Variants in HERC2 observed in about 807,000 individuals in gnomAD.
The protein encoded by HERC2 is HECT and RLD domain containing E3 ubiquitin protein ligase 2, also known as E3 ubiquitin-protein ligase HERC2.
Under a neutral mutation model 537.7 loss-of-function variants are expected in HERC2, and 102 were observed. The observed-to-expected ratio is 0.19, with a 90% CI of 0.16 to 0.22. The LOEUF is 0.22. Among genes scored for constraint, HERC2 ranks in the 10% least tolerant of loss-of-function variants. HERC2 has a pLI of 1.00. For synonymous variants in HERC2, 2,224 were observed against 2,466.2 expected, an observed-to-expected ratio of 0.90 and a Z score of 2.91; for missense variants, 4,236 against 6,198.2, an observed-to-expected ratio of 0.68 and a Z score of 10.63.
At chr15:28,296,071 T>C (rs1441362191) in intron 3 of HERC2, among the ~76,000 whole-genome samples, 1 of 88,584 alleles carries the variant, frequency 1.1e-5, no homozygotes, top group African/African-American at 2.5e-5. Context: ...AAAACATTTA[T>C]TGAATGTCAA....
intron 2 of HERC2, among the ~76,000 whole-genome samples, chr15:28,308,881 C>T (rs1443005048): frequency 6.6e-6 from 1 of 152,200 alleles, no homozygotes; most frequent in Non-Finnish European, 1.5e-5. Flanking sequence ...TCCTTGTACC[C>T]CAGGGATAAA....
In HERC2 at chr15:28,169,513, A is replaced by G. The variant is rs768777344; in HGVS notation, c.10200T>C (p.Ile3400=). The part of the protein sequence containing the change: ...NLAKQQALSH[I]LTALQIMYAR... ...CATACATGATTTGCAATGCTGTAAG[A>G]ATATGTGATAAGGCCTGCTGTTTGG... is the stretch of plus-strand genomic sequence containing the variant. The change falls in exon 66 of 93, where the codon ATT becomes ATC. Residue 3400 remains isoleucine, a synonymous_variant. Transcript: ENST00000261609. 1 of 1,609,998 alleles carries G rather than the reference A, an allele frequency of 6.2e-7. No homozygotes were observed. The highest frequency in any genetic ancestry group is 1.1e-5 in the South Asian group (1 of 90,470).
Position 28,174,313 on chromosome 15 carries a change from T to C in HERC2, c.10057+82A>G, listed in dbSNP as rs139023234. The stretch of plus-strand genomic sequence containing the variant: ...GTTAACATGGCACTACAACCTCTAA[T>C]TGTGTTGGCACAATTAAATAAATCT... On this transcript the variant is annotated intron_variant, in intron 65 of 92. Transcript: ENST00000261609. The C allele has an allele frequency of 2.6e-5, 26 of 1,013,836 alleles. 1 individual carries two copies. The highest frequency in any genetic ancestry group is 2.2e-4 in the African/African-American group (13 of 58,362). The allele number at this position is 1,013,836 out of a possible 1,614,324, so 62.8% of individuals were successfully genotyped here.
chr15:28,182,015 C>A lies in HERC2; in HGVS notation c.8937+386G>T, dbSNP rs954500819. Among the ~76,000 whole-genome samples the A allele has an allele frequency of 3.0e-4, 46 of 152,158 alleles. 1 individual carries two copies. The highest frequency in any genetic ancestry group is 9.2e-4 in the African/African-American group (38 of 41,450). On this transcript the variant is annotated intron_variant, in intron 57 of 92. Coordinates refer to ENST00000261609, the MANE Select transcript of HERC2 (RefSeq NM_004667.6). ...CTACTTCACCCTGAAGAATCTCAGG[C>A]GCGAAGCACCTGGAGGACAGAGACA...
rs150930758 is a variant in HERC2, at chr15:28,257,189, T to C, written c.2389A>G (p.Met797Val). ...AGGAGATCCAGCTGCTCAAAAGTCA[T>C]TGAGCAGATGTCCACCACAAAAGGG... ...RVPFVVDICS[M>V]TFEQLDLLLR... The change falls in exon 17 of 93, where the codon ATG becomes GTG. Residue 797 changes from methionine (M) to valine (V), a missense_variant. Physicochemically the swap from Met to Val is conservative, Grantham distance 21 (BLOSUM62 1). Around this residue, in one of 27 missense-constraint regions of HERC2, gnomAD observed 754 missense variants for 1,085.0 expected, o/e 0.69. Transcript: ENST00000261609. The C allele has an allele frequency of 1.8e-3, 2,928 of 1,613,922 alleles. 24 individuals are homozygous for C. In the Middle Eastern group the frequency reaches 0.031, roughly 17 times the overall value.
At position 28,130,213 on chromosome 15, in the gene HERC2, A is replaced by C. The variant is rs1449679872; in HGVS notation, c.12752T>G (p.Val4251Gly). The C allele has an allele frequency of 3.1e-6, 5 of 1,614,042 alleles. No homozygotes were observed. The highest frequency in any genetic ancestry group is 4.2e-6 in the Non-Finnish European group (5 of 1,180,026). The change falls in exon 83 of 93, where the codon GTC becomes GGC. Residue 4251 changes from valine to glycine, a missense_variant. Physicochemically the swap from Val to Gly is moderately radical, Grantham distance 109 (BLOSUM62 -3). Coordinates refer to ENST00000261609, the MANE Select transcript of HERC2 (RefSeq NM_004667.6). ...CAGGGAGCCAGTGGCGATGGCGATG[A>C]CTTTCTTCCCCTGCAACCCTTGGAC... ...RQVQGLQGKK[V>G]IAIATGSLHC...
At chr15:28,274,498 G>T (rs974911202) in intron 6 of HERC2, 51 bp from the exon 7 acceptor site, 2 of 1,535,362 alleles carry the variant, frequency 1.3e-6, no homozygotes, top group Non-Finnish European at 1.8e-6. Flanking sequence ...TCACTCTCCC[G>T]CTGGGCTTCC....
Position 28,238,652 on chromosome 15 carries a change from T to C in HERC2, c.3698A>G (p.Tyr1233Cys). 1 of 1,611,632 alleles carries C rather than the reference T, an allele frequency of 6.2e-7. No individual in the cohort carries two copies. The highest frequency in any genetic ancestry group is 8.5e-7 in the Non-Finnish European group (1 of 1,179,534). Residue 1233 changes from tyrosine to cysteine, a missense_variant, in exon 24 of 93, where the codon TAT becomes TGT. By Grantham distance (194) the Tyr-to-Cys change is radical. This residue lies in a region of HERC2 where 754 missense variants were observed against 1,085.0 expected (regional missense o/e 0.69). Transcript: ENST00000261609. ...GFWTVIDGKV[Y>C]DIKDFQTQSL... ...CTGTGTCTGGAAGTCCTTTATATCATACACCTTCCCGTCAATCACAGTCCA... is the reference window on the plus strand; with the variant it reads ...CTGTGTCTGGAAGTCCTTTATATCACACACCTTCCCGTCAATCACAGTCCA...
intron 83 of HERC2, among the ~76,000 whole-genome samples, chr15:28,127,617 C>T (rs1021301404): frequency 7.9e-5 from 12 of 152,186 alleles, no homozygotes; most frequent in African/African-American, 2.4e-4. Flanking sequence ...CAGACCTTGT[C>T]TTCTCAAGGC....
At chr15:28,264,795 C>T (rs932219800) in intron 14 of HERC2, among the ~76,000 whole-genome samples, 4 of 152,126 alleles carry the variant, frequency 2.6e-5, no homozygotes, top group African/African-American at 7.2e-5. Context: ...TTTAAAATGA[C>T]GAGATGTCAA....
In HERC2 at chr15:28,274,867, T is replaced by C. The variant is rs758697334; in HGVS notation, c.643+38A>G. Reference sequence around the variant, plus strand: ...TTCGAAACCCAGTCTGTTGATGTATTAGGGAAGCAGAACAACGCGCCACAC... The same window carrying C: ...TTCGAAACCCAGTCTGTTGATGTATCAGGGAAGCAGAACAACGCGCCACAC... On this transcript the variant is annotated intron_variant, in intron 6 of 92. Coordinates refer to ENST00000261609, the MANE Select transcript of HERC2 (RefSeq NM_004667.6). 3.7e-5 allele frequency: 55 copies of C among 1,492,586 alleles called. No individual in the cohort carries two copies. In the South Asian group the frequency reaches 5.9e-4, roughly 16 times the overall value. 92.5% of individuals were successfully genotyped at this position (1,492,586 alleles called of 1,614,324 possible).
chr15:28,128,392 G>C (rs1253512137), intron 83 of HERC2, among the ~76,000 whole-genome samples: 1 of 152,212 alleles, frequency 6.6e-6, no homozygotes, highest in Non-Finnish European at 1.5e-5. Context: ...TGTGGACTGG[G>C]ATAAGCAAGT....
At chr15:28,290,272 T>G (rs978548747) in intron 4 of HERC2, among the ~76,000 whole-genome samples, 4 of 152,152 alleles carry the variant, frequency 2.6e-5, no homozygotes, top group African/African-American at 9.7e-5. Flanking sequence ...CAACTTGATC[T>G]CATTAAGCTT....
At chr15:28,166,760 G>A (rs993777442) in intron 68 of HERC2, among the ~76,000 whole-genome samples, 2 of 151,428 alleles carry the variant, frequency 1.3e-5, no homozygotes, top group Non-Finnish European at 2.9e-5. Flanking sequence ...GGGAGTCCCA[G>A]TGACCGAGTC....
chr15:28,272,473 T>G (rs893929107), intron 8 of HERC2, 87 bp from the exon 9 acceptor site: 6 of 1,220,758 alleles, frequency 4.9e-6, no homozygotes, highest in Non-Finnish European at 6.9e-6. Context: ...AATAGCTGGA[T>G]AGAAGTGAAC....
chr15:28,204,255 G>A (rs555121329), intron 45 of HERC2, among the ~76,000 whole-genome samples: 1 of 152,286 alleles, frequency 6.6e-6, no homozygotes, highest in African/African-American at 2.4e-5. Context: ...AGACCAACAG[G>A]TGGGCAGATG....
chr15:28,301,748 T>G (rs1178732816), intron 2 of HERC2, among the ~76,000 whole-genome samples: 4 of 93,720 alleles, frequency 4.3e-5, no homozygotes, highest in African/African-American at 9.0e-5. Flanking sequence ...TATATATATA[T>G]ATATATATAT....
chr15:28,313,562 AT>A (rs1429111633), intron 2 of HERC2, among the ~76,000 whole-genome samples: 2 of 152,256 alleles, frequency 1.3e-5, no homozygotes, highest in African/African-American at 2.4e-5. Context: ...TGATTAATGT[AT>A]AGGTTAGAAA....
At chr15:28,182,605 A>G (rs1414304470) in intron 56 of HERC2, 93 bp from the exon 57 acceptor site, 4 of 948,856 alleles carry the variant, frequency 4.2e-6, no homozygotes, top group Non-Finnish European at 6.3e-6. Context: ...TCAAGCACTC[A>G]AAGTTTTATG....
Sources: gnomAD v4.1 joint callset for allele counts (sites outside exome capture counted in the v4.1 genomes callset) on GRCh38, gnomAD v4.1.1 for gene constraint, gnomAD v4.1.1 regional missense constraint, MANE v1.5 for transcripts, NCBI Gene and HGNC (gene_info 2026-07-23, HGNC 2026-07-21) for gene names.